The following TMEM107 variants were observed in gnomAD, a reference collection of about 807,000 sequenced individuals.
TMEM107 encodes the protein transmembrane protein 107.
TMEM107 carries 18 observed loss-of-function variants against 16.8 expected under a neutral mutation model. The observed-to-expected ratio is 1.07, with a 90% CI of 0.74 to 1.59. The LOEUF (loss-of-function observed/expected upper bound fraction) is 1.59. Among genes scored for constraint, TMEM107 ranks in the 40% most tolerant of loss-of-function variants. The probability of loss-of-function intolerance (pLI) is 0.00; values close to 1 mark genes in which losing one functional copy is unlikely to be tolerated. For synonymous variants in TMEM107, 68 were observed against 71.6 expected (o/e 0.95, Z 0.25); for missense variants, 152 against 175.4 (o/e 0.87, Z 0.75).
chr17:8,173,639 G>T lies in TMEM107; in HGVS notation c.*564C>A, dbSNP rs567583790. On this transcript the variant is annotated 3_prime_UTR_variant, in exon 5 of 5. Coordinates refer to ENST00000437139, the MANE Select transcript of TMEM107 (RefSeq NM_183065.4). Reference sequence around the variant, plus strand: ...CTCAGTGAAAAAGATTCCGTTACAAGCTAGGGTGAGTTCATAACGCGCTGG... The same window carrying T: ...CTCAGTGAAAAAGATTCCGTTACAATCTAGGGTGAGTTCATAACGCGCTGG... The T allele has an allele frequency of 8.1e-6, 6 of 738,014 alleles. No homozygotes were observed. The highest frequency in any genetic ancestry group is 1.5e-5 in the Non-Finnish European group (6 of 400,208). The allele number at this position is 738,014 out of a possible 1,614,324, so 45.7% of individuals were successfully genotyped here.
chr17:8,173,585 C>T lies in TMEM107; in HGVS notation c.*618G>A, dbSNP rs199964184. 1,373 of 763,918 alleles carry T rather than the reference C, an allele frequency of 1.8e-3. 2 individuals carry two copies. The highest frequency in any genetic ancestry group is 3.6e-3 in the Middle Eastern group (16 of 4,434). The allele number at this position is 763,918 out of a possible 1,614,324, so 47.3% of individuals were successfully genotyped here. A position where few individuals can be genotyped will look rare whatever the true frequency, so the allele number is the denominator to read the frequency against. On this transcript the variant is annotated 3_prime_UTR_variant, in exon 5 of 5. Transcript: ENST00000437139. ...AACAGGTAAGGATTATCCCACCTGA[C>T]GATACAGACAAACAGCCGACATTCT...
chr17:8,174,306 T>C, intron 4 of TMEM107, 34 bp from the exon 5 acceptor site: 1 of 1,586,704 alleles, frequency 6.3e-7, no homozygotes, highest in East Asian at 2.2e-5. Context: ...AGAAACCCTT[T>C]CAGTATAAAT....
Position 8,173,310 on chromosome 17 carries a change from T to C in TMEM107, c.*893A>G, listed in dbSNP as rs114256024. On this transcript the variant is annotated 3_prime_UTR_variant, in exon 5 of 5. Coordinates refer to ENST00000437139, the MANE Select transcript of TMEM107 (RefSeq NM_183065.4). ...CACAATTTTCAAGAACAAACAAATT[T>C]AGCAAGACTGCAAAATAGACAAACA... The C allele has an allele frequency of 2.4e-3, 1,276 of 537,706 alleles. 17 individuals are homozygous for C. The highest frequency in any genetic ancestry group is 0.021 in the African/African-American group (1,084 of 52,316). The allele number at this position is 537,706 out of a possible 1,614,324, so 33.3% of individuals were successfully genotyped here. A position where few individuals can be genotyped will look rare whatever the true frequency, so the allele number is the denominator to read the frequency against.
intron 3 of TMEM107, 23 bp from the exon 4 acceptor site, chr17:8,174,639 G>C: frequency 6.2e-7 from 1 of 1,607,066 alleles, no homozygotes; most frequent in Non-Finnish European, 8.5e-7. Flanking sequence ...CGAGATTAAG[G>C]AAAGTCTTTG....
chr17:8,175,434 ACCT>A (rs1419467596), intron 3 of TMEM107: 4 of 565,830 alleles, frequency 7.1e-6, no homozygotes, highest in Admixed American at 6.1e-5. Flanking sequence ...ATTTGTATCT[ACCT>A]CCTCCTCATT....
In TMEM107 at chr17:8,173,904, C is replaced by A; in HGVS notation, c.*299G>T. 1 of 497,418 alleles carries A rather than the reference C, an allele frequency of 2.0e-6. No homozygotes were observed. The highest frequency in any genetic ancestry group is 2.5e-5 in the South Asian group (1 of 39,286). 30.8% of individuals were successfully genotyped at this position (497,418 alleles called of 1,614,324 possible). ...CCAAAATAGAAGCGATACCAAGTAT[C>A]TTACGGTCTGCAGGACTAGAAAACA... On this transcript the variant is annotated 3_prime_UTR_variant, in exon 5 of 5. Transcript: ENST00000437139.
chr17:8,174,445 G>C, intron 4 of TMEM107, 75 bp downstream of exon 4: 1 of 1,467,036 alleles, frequency 6.8e-7, no homozygotes, highest in Admixed American at 1.7e-5. Context: ...GGAGGAAAGG[G>C]CTGGGTAGGG....
intron 4 of TMEM107, 98 bp from the exon 5 acceptor site, chr17:8,174,370 TG>T: frequency 6.7e-6 from 9 of 1,336,388 alleles, no homozygotes; most frequent in African/African-American, 1.4e-5. Flanking sequence ...GCAGGTGGCA[TG>T]GGGGGTAGGG....
intron 3 of TMEM107, 47 bp from the exon 4 acceptor site, chr17:8,174,663 T>C (rs547288837): frequency 6.4e-7 from 1 of 1,560,310 alleles, no homozygotes; most frequent in Admixed American, 1.7e-5. Flanking sequence ...CGACAGACAG[T>C]GATGGGTCAG....
rs1983730232 is a variant in TMEM107, at chr17:8,173,339, A to G, written c.*864T>C. The stretch of plus-strand genomic sequence containing the variant: ...AAGACTGCAAAATAGACAAACAGCA[A>G]TAGCAAGACTGCAAAATAGACAAAC... On this transcript the variant is annotated 3_prime_UTR_variant, in exon 5 of 5. Coordinates refer to ENST00000437139, the MANE Select transcript of TMEM107 (RefSeq NM_183065.4). 4 of 585,262 alleles carry G rather than the reference A, an allele frequency of 6.8e-6. No homozygotes were observed. Among genetic ancestry groups the G allele is most frequent in the Admixed American group, 5.1e-5 (2 of 39,102 alleles). 36.3% of individuals were successfully genotyped at this position (585,262 alleles called of 1,614,324 possible).
chr17:8,172,881 A>AAG lies in TMEM107; in HGVS notation c.*1321_*1322insCT. Among the ~76,000 whole-genome samples, 1 of 148,668 alleles carries AAG rather than the reference A, an allele frequency of 6.7e-6. No individual in the cohort carries two copies. The highest frequency in any genetic ancestry group is 1.5e-5 in the Non-Finnish European group (1 of 66,846). ...AAAAAAAAAAAAAAAAAAAACCAAA[A>AAG]GAGGGGGGTGGTCAACATACCATAT... On this transcript the variant is annotated 3_prime_UTR_variant, in exon 5 of 5. Transcript: ENST00000437139.
At position 8,173,525 on chromosome 17, in the gene TMEM107, C is replaced by G. The variant is rs372252345; in HGVS notation, c.*678G>C. ...ACGTTAATCACGTTTCATGCATCTC[C>G]AATCATCATGTTCTAATCTGCCCTC... On this transcript the variant is annotated 3_prime_UTR_variant, in exon 5 of 5. Coordinates refer to ENST00000437139, the MANE Select transcript of TMEM107 (RefSeq NM_183065.4). 1.3e-6 allele frequency: 1 copy of G among 765,360 alleles called. No homozygotes were observed. Among genetic ancestry groups the G allele is most frequent in the Non-Finnish European group, 2.4e-6 (1 of 418,016 alleles). The allele number at this position is 765,360 out of a possible 1,614,324, so 47.4% of individuals were successfully genotyped here.
rs1273753569 is a variant in TMEM107 at position 8,173,212 on chromosome 17, C to A, written c.*991G>T. Reference sequence around the variant, plus strand: ...CCTGAGAAGTGAGGATTAAAGTTATCAAACGACAAAAAACAAAGAGCCCAT... The same window carrying A: ...CCTGAGAAGTGAGGATTAAAGTTATAAAACGACAAAAAACAAAGAGCCCAT... On this transcript the variant is annotated 3_prime_UTR_variant, in exon 5 of 5. Transcript: ENST00000437139. 2.8e-5 allele frequency: 12 copies of A among 421,646 alleles called. No individual in the cohort carries two copies. The East Asian group carries it at 5.0e-4, about 18-fold the overall frequency. The allele number at this position is 421,646 out of a possible 1,614,324, so 26.1% of individuals were successfully genotyped here.
chr17:8,173,308 T>A lies in TMEM107; in HGVS notation c.*895A>T. On this transcript the variant is annotated 3_prime_UTR_variant, in exon 5 of 5. Transcript: ENST00000437139. ...ATCACAATTTTCAAGAACAAACAAA[T>A]TTAGCAAGACTGCAAAATAGACAAA... The A allele has an allele frequency of 1.9e-6, 1 of 535,648 alleles. No individual in the cohort carries two copies. Among genetic ancestry groups the A allele is most frequent in the Non-Finnish European group, 3.3e-6 (1 of 298,636 alleles). The allele number at this position is 535,648 out of a possible 1,614,324, so 33.2% of individuals were successfully genotyped here. A position where few individuals can be genotyped will look rare whatever the true frequency, so the allele number is the denominator to read the frequency against.
rs916945127 is a variant in TMEM107 at position 8,173,322 on chromosome 17, A to G, written c.*881T>C. On this transcript the variant is annotated 3_prime_UTR_variant, in exon 5 of 5. Transcript: ENST00000437139. Reference sequence around the variant, plus strand: ...GAACAAACAAATTTAGCAAGACTGCAAAATAGACAAACAGCAATAGCAAGA... The same window carrying G: ...GAACAAACAAATTTAGCAAGACTGCGAAATAGACAAACAGCAATAGCAAGA... 6 of 553,960 alleles carry G rather than the reference A, an allele frequency of 1.1e-5. No homozygotes were observed. The highest frequency in any genetic ancestry group is 7.6e-5 in the African/African-American group (4 of 52,732). The allele number at this position is 553,960 out of a possible 1,614,324, so 34.3% of individuals were successfully genotyped here.
rs373202632 is a variant in TMEM107 at position 8,175,936 on chromosome 17, G to A, written c.155+23C>T. On this transcript the variant is annotated intron_variant, in intron 2 of 4. Transcript: ENST00000437139. ...CCACTCCCACCACCTCTTCGTTCTG[G>A]CCACCCCGTCCCAAGAGCTCACTGA... 3.7e-6 allele frequency: 6 copies of A among 1,614,062 alleles called. No individual in the cohort carries two copies. In the African/African-American group the frequency reaches 5.3e-5, roughly 14 times the overall value.
intron 3 of TMEM107, chr17:8,175,281 G>A (rs973908012): frequency 2.0e-5 from 5 of 248,174 alleles, no homozygotes; most frequent in South Asian, 4.6e-5. Context: ...TGGTCAGGCC[G>A]GTCTCGAACT....
At chr17:8,175,886 C>T (rs777126335) in intron 2 of TMEM107, 29 bp from the exon 3 acceptor site, 3 of 1,614,134 alleles carry the variant, frequency 1.9e-6, no homozygotes, top group South Asian at 1.1e-5. Context: ...CTGGCCCAGG[C>T]CTTTGGACTT....
At position 8,173,328 on chromosome 17, in the gene TMEM107, G is replaced by A. The variant is rs115801403; in HGVS notation, c.*875C>T. The A allele has an allele frequency of 2.2e-4, 120 of 552,060 alleles. No individual in the cohort carries two copies. Among genetic ancestry groups the A allele is most frequent in the African/African-American group, 1.7e-3 (91 of 52,664 alleles). 34.2% of individuals were successfully genotyped at this position (552,060 alleles called of 1,614,324 possible). ...ACAAATTTAGCAAGACTGCAAAATA[G>A]ACAAACAGCAATAGCAAGACTGCAA... On this transcript the variant is annotated 3_prime_UTR_variant, in exon 5 of 5. Transcript: ENST00000437139.
Sources: allele counts gnomAD v4.1 joint callset (sites outside exome capture counted in the v4.1 genomes callset), GRCh38; gene constraint gnomAD v4.1.1; transcripts MANE v1.5; gene names NCBI Gene and HGNC (gene_info 2026-07-23, HGNC 2026-07-21).